MGMT: variants seen among roughly 807,000 people sequenced by gnomAD.
MGMT encodes the protein O-6-methylguanine-DNA methyltransferase.
In MGMT, 14 loss-of-function variants were observed where a neutral mutation model predicts 15.9. The ratio of observed to expected loss-of-function variants is 0.88; its 90% confidence interval spans 0.58 to 1.37. The LOEUF (loss-of-function observed/expected upper bound fraction) is 1.37. MGMT is among the 40% of genes most tolerant of loss of function. MGMT has a pLI of 0.00. For synonymous variants in MGMT, 130 were observed against 118.2 expected, an observed-to-expected ratio of 1.10 and a Z score of -0.65; for missense variants, 282 against 268.1, an observed-to-expected ratio of 1.05 and a Z score of -0.36.
intron 3 of MGMT, among the ~76,000 whole-genome samples, chr10:129,727,511 A>G: frequency 6.6e-6 from 1 of 152,232 alleles, no homozygotes; most frequent in Non-Finnish European, 1.5e-5. Context: ...GGGGCCACGA[A>G]GTTGGGGATT....
intron 1 of MGMT, among the ~76,000 whole-genome samples, chr10:129,489,898 C>G (rs1293309317): frequency 9.7e-6 from 1 of 102,582 alleles, no homozygotes. Context: ...GCTTCTTCTA[C>G]TCTGTAAACC....
intron 2 of MGMT, among the ~76,000 whole-genome samples, chr10:129,593,138 C>G (rs1406673661): frequency 6.6e-6 from 1 of 152,164 alleles, no homozygotes; most frequent in Non-Finnish European, 1.5e-5. Flanking sequence ...GCTCAGGTGT[C>G]TCTCATCAGT....
rs200931384 is a variant in MGMT, at chr10:129,583,749, C to T, written c.125+47372C>T. On this transcript the variant is annotated intron_variant, in intron 2 of 4. Coordinates refer to ENST00000651593, the MANE Select transcript of MGMT (RefSeq NM_002412.5). ...GCTTCCTATTTCATGTCCTCCTCGT[C>T]TCTGTAGTTGAGGGAAGAGTATTCC... Among the ~76,000 whole-genome samples, 5 of 152,364 alleles carry T rather than the reference C, an allele frequency of 3.3e-5. 1 individual carries two copies. In the East Asian group the frequency reaches 9.7e-4, roughly 29 times the overall value.
intron 2 of MGMT, among the ~76,000 whole-genome samples, chr10:129,606,371 A>G (rs1443049622): frequency 6.6e-6 from 1 of 152,144 alleles, no homozygotes; most frequent in Admixed American, 6.5e-5. Context: ...TTTGGGAGGG[A>G]GAAGACTCCC....
chr10:129,510,214 G>A (rs1353278020), intron 1 of MGMT, among the ~76,000 whole-genome samples: 5 of 152,134 alleles, frequency 3.3e-5, no homozygotes, highest in South Asian at 2.1e-4. Context: ...AATATTTTCC[G>A]GTCTTTCATA....
rs1268270896 is a variant in MGMT, at chr10:129,713,806, C to T, written c.274+5763C>T. Among the ~76,000 whole-genome samples, 3 of 152,192 alleles carry T rather than the reference C, an allele frequency of 2.0e-5. No individual in the cohort carries two copies. The East Asian group carries it at 5.8e-4, about 29-fold the overall frequency. ...TCCCAAGAACCCATCCCCTGTGGGT[C>T]CAGAAGACCAGATCCCCGCCAATGT... On this transcript the variant is annotated intron_variant, in intron 3 of 4. Transcript: ENST00000651593.
rs1803965 is a variant in MGMT, at chr10:129,707,928, C to T, written c.159C>T (p.Leu53=). 192,991 of 1,612,080 alleles carry T rather than the reference C, an allele frequency of 0.12. 12,582 individuals are homozygous for T. The highest frequency in any genetic ancestry group is 0.21 in the Admixed American group (12,822 of 59,994). Residue 53 remains leucine (L), a synonymous_variant, in exon 3 of 5, where the codon CTC becomes CTT. Transcript: ENST00000651593. ...AGGTCCCAGCCCCCGCTGCGGTTCT[C>T]GGAGGTCCGGAGCCCCTGATGCAGT... is the stretch of plus-strand genomic sequence containing the variant. ...AVEVPAPAAV[L]GGPEPLMQCT... is the part of the protein sequence containing the mutation.
chr10:129,562,960 A>G (rs511770), intron 2 of MGMT, among the ~76,000 whole-genome samples: 94,270 of 151,976 alleles, frequency 0.62, 29,523 homozygotes, highest in African/African-American at 0.7. Context: ...TAGAAACTGT[A>G]CCACAAGTGC....
At chr10:129,558,137 G>A (rs765519708) in intron 2 of MGMT, among the ~76,000 whole-genome samples, 54 of 152,154 alleles carry the variant, frequency 3.5e-4, no homozygotes, top group Non-Finnish European at 6.3e-4. Context: ...GGATGGGGTC[G>A]GGGTATTTCC....
chr10:129,657,647 G>T (rs188940770), intron 2 of MGMT, among the ~76,000 whole-genome samples: 10 of 149,828 alleles, frequency 6.7e-5, no homozygotes, highest in Middle Eastern at 3.4e-3. Context: ...CTGGAGCTGG[G>T]GGGGGGACAG....
intron 3 of MGMT, among the ~76,000 whole-genome samples, chr10:129,743,035 C>T (rs75242762): frequency 6.6e-6 from 1 of 152,232 alleles, no homozygotes; most frequent in East Asian, 1.9e-4. Context: ...TCAAGAGCCT[C>T]TGAAATCCTA....
chr10:129,694,759 A>G (rs1800727369), intron 2 of MGMT, among the ~76,000 whole-genome samples: 2 of 152,172 alleles, frequency 1.3e-5, no homozygotes, highest in South Asian at 4.1e-4. Flanking sequence ...TGGAAGGAAG[A>G]CAGAAGATGC....
chr10:129,618,768 T>TCAATATAATGC (rs762920916), intron 2 of MGMT, among the ~76,000 whole-genome samples: 1 of 150,682 alleles, frequency 6.6e-6, no homozygotes, highest in African/African-American at 2.4e-5. Context: ...AATGCTATAT[T>TCAATATAATGC]TTTAGTTTCA....
chr10:129,521,114 C>T (rs541887851), intron 1 of MGMT, among the ~76,000 whole-genome samples: 12 of 152,292 alleles, frequency 7.9e-5, no homozygotes, highest in African/African-American at 2.9e-4. Context: ...GTTTCAGGGC[C>T]AGTTCTGATC....
At chr10:129,605,640 C>T (rs535265305) in intron 2 of MGMT, among the ~76,000 whole-genome samples, 12 of 152,160 alleles carry the variant, frequency 7.9e-5, no homozygotes, top group African/African-American at 2.4e-4. Context: ...ATTGTCCTCC[C>T]GAGGAAAGGC....
At chr10:129,622,145 A>G (rs974356345) in intron 2 of MGMT, among the ~76,000 whole-genome samples, 1 of 152,188 alleles carries the variant, frequency 6.6e-6, no homozygotes, top group African/African-American at 2.4e-5. Flanking sequence ...TGGTTTATTC[A>G]TTAATTTTGC....
intron 1 of MGMT, among the ~76,000 whole-genome samples, chr10:129,526,970 C>T (rs1473924970): frequency 6.6e-6 from 1 of 152,174 alleles, no homozygotes; most frequent in Non-Finnish European, 1.5e-5. Context: ...TCCAAATAGC[C>T]ATGAAAAATA....
At chr10:129,514,231 TGA>T (rs902608606) in intron 1 of MGMT, among the ~76,000 whole-genome samples, 1 of 152,244 alleles carries the variant, frequency 6.6e-6, no homozygotes, top group Middle Eastern at 3.2e-3. Context: ...TATATCAATA[TGA>T]GAGAGATACA....
chr10:129,488,894 G>A (rs750539587), intron 1 of MGMT, among the ~76,000 whole-genome samples: 1 of 152,146 alleles, frequency 6.6e-6, no homozygotes, highest in South Asian at 2.1e-4. Context: ...AGCAAGAGAG[G>A]CACTGCAGAG....
Sources: gnomAD v4.1 joint callset for allele counts (sites outside exome capture counted in the v4.1 genomes callset) on GRCh38, gnomAD v4.1.1 for gene constraint, MANE v1.5 for transcripts, NCBI Gene and HGNC (gene_info 2026-07-23, HGNC 2026-07-21) for gene names.